Variants in AGXT2 observed in about 807,000 individuals in gnomAD.
The protein encoded by AGXT2 is alanine--glyoxylate aminotransferase 2.
A neutral mutation model predicts 62.5 loss-of-function variants in AGXT2; 61 were observed. That is an observed-to-expected ratio of 0.98 (90% CI 0.79 to 1.21). The LOEUF (loss-of-function observed/expected upper bound fraction) is 1.21, where lower values mean the gene tolerates loss of function less well. Among genes scored for constraint, AGXT2 ranks in the 50% most tolerant of loss-of-function variants. The pLI is 0.00. For missense variants in AGXT2, 666 were observed against 641.5 expected (o/e 1.04, Z -0.41); for synonymous variants, 243 against 218.7 (o/e 1.11, Z -0.98).
rs1169432455 is a variant in AGXT2 at position 34,998,763 on chromosome 5, A to G, written c.1501T>C (p.Phe501Leu). 1.2e-6 allele frequency: 2 copies of G among 1,614,084 alleles called. No individual in the cohort carries two copies. The highest frequency in any genetic ancestry group is 8.5e-7 in the Non-Finnish European group (1 of 1,180,006). ...ATGTGTTGGGTTAAGGCAGAACGAA[A>G]TACTTCTACTGCAAAATCAACTTCT... ...KPEVDFAVEVFRSALTQHMER... is the reference protein window; with the variant it reads ...KPEVDFAVEVLRSALTQHMER... Residue 501 changes from phenylalanine to leucine, a missense_variant, in exon 14 of 14, where the codon TTT (phenylalanine) becomes CTT (leucine). Transcript: ENST00000231420.
At chr5:35,008,538 TAC>T (rs1188060570) in intron 12 of AGXT2, among the ~76,000 whole-genome samples, 10 of 152,332 alleles carry the variant, frequency 6.6e-5, no homozygotes, top group Non-Finnish European at 1.2e-4. Context: ...CACACTGAAA[TAC>T]GTTATGACTT....
At chr5:35,012,909 G>C in intron 11 of AGXT2, 45 bp downstream of exon 11, 1 of 1,502,526 alleles carries the variant, frequency 6.7e-7, no homozygotes, top group Non-Finnish European at 9.1e-7. Flanking sequence ...TTTTGAAAGA[G>C]TCATTTGTGA....
intron 9 of AGXT2, among the ~76,000 whole-genome samples, chr5:35,023,861 A>ATATATATT (rs1446115956): frequency 6.9e-6 from 1 of 143,964 alleles, no homozygotes; most frequent in Non-Finnish European, 1.5e-5. Context: ...GCTGTAGGGA[A>ATATATATT]TATTTATTTA....
chr5:35,010,096 C>T lies in AGXT2; in HGVS notation c.1242G>A (p.Met414Ile), dbSNP rs566706169. ...CCCGCAGCTTAGCAAACTTTAGTAA[C>T]ATGTAGGTCCCAACTTCTTGACTGT... ...QENSQEVGTY[M>I]LLKFAKLRDE... The change falls in exon 12 of 14, where the codon ATG becomes ATA. Residue 414 changes from methionine to isoleucine, a missense_variant. Physicochemically the swap from Met to Ile is conservative, Grantham distance 10. Transcript: ENST00000231420. 2 of 1,614,210 alleles carry T rather than the reference C, an allele frequency of 1.2e-6. No individual in the cohort carries two copies. The highest frequency in any genetic ancestry group is 1.3e-5 in the African/African-American group (1 of 75,062).
intron 9 of AGXT2, among the ~76,000 whole-genome samples, chr5:35,017,226 T>C (rs1324626875): frequency 3.3e-5 from 5 of 152,188 alleles, no homozygotes; most frequent in Non-Finnish European, 5.9e-5. Context: ...TGGCTAGTCA[T>C]GTGGTTTTGG....
intron 3 of AGXT2, among the ~76,000 whole-genome samples, chr5:35,037,544 C>T (rs1580608514): frequency 6.6e-6 from 1 of 150,800 alleles, no homozygotes; most frequent in East Asian, 1.9e-4. Context: ...TCCTCCCCTC[C>T]TTCTTTCTTT....
rs144655293 is a variant in AGXT2 at position 35,035,712 on chromosome 5, A to G, written c.487-396T>C. 4.0e-3 allele frequency among the ~76,000 whole-genome samples: 605 copies of G among 152,304 alleles called. 3 individuals are homozygous for G. Among genetic ancestry groups the G allele is most frequent in the African/African-American group, 0.014 (584 of 41,562 alleles). On this transcript the variant is annotated intron_variant, in intron 4 of 13. Coordinates refer to ENST00000231420, the MANE Select transcript of AGXT2 (RefSeq NM_031900.4). ...CCTGATTCTAAAGGCTTGGAACAAG[A>G]CAGGACCTCTGACTCTGCAACTCCA...
intron 4 of AGXT2, among the ~76,000 whole-genome samples, chr5:35,035,669 C>T (rs1320646602): frequency 2.0e-5 from 3 of 152,174 alleles, no homozygotes; most frequent in Non-Finnish European, 4.4e-5. Context: ...TTCTTGGCTC[C>T]TAACTCTAAC....
intron 5 of AGXT2, among the ~76,000 whole-genome samples, chr5:35,034,081 G>A (rs763545304): frequency 1.1e-4 from 16 of 152,078 alleles, no homozygotes; most frequent in Non-Finnish European, 2.9e-5. Context: ...AGCTTCAAAT[G>A]AGTTCGAACA....
chr5:35,022,178 G>T (rs1767127424), intron 9 of AGXT2, among the ~76,000 whole-genome samples: 1 of 152,152 alleles, frequency 6.6e-6, no homozygotes, highest in South Asian at 2.1e-4. Flanking sequence ...ATTCCTCAGG[G>T]ATCTAGAACT....
chr5:35,020,093 C>T (rs1767008919), intron 9 of AGXT2, among the ~76,000 whole-genome samples: 1 of 152,262 alleles, frequency 6.6e-6, no homozygotes, highest in South Asian at 2.1e-4. Flanking sequence ...AGCTTACCAA[C>T]CAAAAAGAGT....
rs1462770069 is a variant in AGXT2 at position 35,009,907 on chromosome 5, C to G, written c.1338+93G>C. On this transcript the variant is annotated intron_variant, in intron 12 of 13. Transcript: ENST00000231420. ...AAATCTTGCTGTTTGTGTCTGCTCT[C>G]TCCTTGAGAGTAAATGAAGTTTAGC... The G allele has an allele frequency of 5.1e-6, 8 of 1,554,348 alleles. No individual in the cohort carries two copies. In the Admixed American group the frequency reaches 8.4e-5, roughly 16 times the overall value.
At chr5:35,036,625 C>A (rs1395669694) in intron 4 of AGXT2, among the ~76,000 whole-genome samples, 1 of 152,202 alleles carries the variant, frequency 6.6e-6, no homozygotes, top group Non-Finnish European at 1.5e-5. Context: ...AGGCCTACGG[C>A]TCCTGGGAAG....
chr5:35,007,068 G>T (rs534946404), intron 12 of AGXT2, among the ~76,000 whole-genome samples: 1 of 152,260 alleles, frequency 6.6e-6, no homozygotes, highest in Non-Finnish European at 1.5e-5. Context: ...GCATAATATT[G>T]GGAGGTGGGG....
At chr5:35,028,558 TGAGAGAGAGAGAGAGAGAGAGA>T (rs541190371) in intron 7 of AGXT2, among the ~76,000 whole-genome samples, 137 of 10,608 alleles carry the variant, frequency 0.013, 1 homozygote, top group African/African-American at 0.027. Context: ...GCAGGAAAGG[TGAGAGAGAGAGAGAGAGAGAGA>T]GAGAGAGAGA....
intron 10 of AGXT2, among the ~76,000 whole-genome samples, 175 bp downstream of exon 10, chr5:35,013,812 C>A (rs1035524800): frequency 6.7e-6 from 1 of 149,372 alleles, no homozygotes; most frequent in African/African-American, 2.4e-5. Flanking sequence ...GGCTGGCTTT[C>A]TTCCAACTGT....
intron 9 of AGXT2, among the ~76,000 whole-genome samples, chr5:35,024,038 A>G (rs1334511146): frequency 6.6e-6 from 1 of 152,066 alleles, no homozygotes. Context: ...GATTACAGGC[A>G]TGCACTACCA....
intron 9 of AGXT2, among the ~76,000 whole-genome samples, chr5:35,019,778 C>A (rs1392234325): frequency 6.6e-6 from 1 of 152,068 alleles, no homozygotes; most frequent in Non-Finnish European, 1.5e-5. Flanking sequence ...ATTAATGAAT[C>A]CAGGAGCTGG....
At chr5:35,011,176 G>T (rs1766624631) in intron 11 of AGXT2, among the ~76,000 whole-genome samples, 1 of 152,122 alleles carries the variant, frequency 6.6e-6, no homozygotes, top group Admixed American at 6.6e-5. Context: ...CTTTTTAAAA[G>T]AAGTTGGCAA....
Sources: allele counts gnomAD v4.1 joint callset (sites outside exome capture counted in the v4.1 genomes callset), GRCh38; gene constraint gnomAD v4.1.1; transcripts MANE v1.5; gene names NCBI Gene and HGNC (gene_info 2026-07-23, HGNC 2026-07-21).